Variants in FGF14 observed in about 807,000 individuals in gnomAD.
The protein encoded by FGF14 is fibroblast growth factor homologous factor 4.
FGF14 carries 5 observed loss-of-function variants against 25.5 expected under a neutral mutation model. The observed-to-expected ratio is 0.20, with a 90% CI of 0.10 to 0.41. The LOEUF is 0.41. FGF14 is among the 10% of genes least tolerant of loss of function. The pLI, the probability that FGF14 is intolerant of heterozygous loss-of-function variation, is 1.00. For missense variants in FGF14, 222 were observed against 320.1 expected (o/e 0.69, Z 2.34); for synonymous variants, 138 against 118.3 (o/e 1.17, Z -1.08).
chr13:102,008,872 T>C (rs568343520), intron 1 of FGF14, among the ~76,000 whole-genome samples: 18 of 152,320 alleles, frequency 1.2e-4, no homozygotes, highest in Admixed American at 5.2e-4. Flanking sequence ...GAAAGTGTCA[T>C]CTGTTAATTA....
intron 1 of FGF14, among the ~76,000 whole-genome samples, chr13:102,226,383 A>G (rs903736841): frequency 6.6e-6 from 1 of 152,202 alleles, no homozygotes; most frequent in Non-Finnish European, 1.5e-5. Flanking sequence ...ATAGCTAGCT[A>G]TGCTAATTTT....
intron 1 of FGF14, among the ~76,000 whole-genome samples, chr13:102,206,097 C>T (rs190687257): frequency 1.3e-4 from 18 of 136,582 alleles, no homozygotes; most frequent in Admixed American, 9.8e-4. Flanking sequence ...GGAAACAAAG[C>T]ATTTAACTAA....
intron 3 of FGF14, among the ~76,000 whole-genome samples, chr13:101,748,510 G>A (rs1418387303): frequency 1.3e-5 from 2 of 151,514 alleles, no homozygotes; most frequent in African/African-American, 2.4e-5. Context: ...GGGGACGACA[G>A]ATAAATTCTT....
At chr13:101,921,763 C>T (rs1434548115), upstream of FGF14, among the ~76,000 whole-genome samples, 1 of 152,188 alleles carries the variant, frequency 6.6e-6, no homozygotes, top group Non-Finnish European at 1.5e-5. Flanking sequence ...TTACCACTTG[C>T]TGTCCATCAA....
intron 1 of FGF14, among the ~76,000 whole-genome samples, chr13:102,304,986 G>T (rs539770309): frequency 1.3e-5 from 2 of 152,174 alleles, no homozygotes; most frequent in Non-Finnish European, 2.9e-5. Context: ...ACTGAGTTTT[G>T]GGGAAATTTA....
intron 1 of FGF14, among the ~76,000 whole-genome samples, chr13:102,206,622 A>G (rs2049938318): frequency 6.6e-6 from 1 of 152,170 alleles, no homozygotes; most frequent in African/African-American, 2.4e-5. Context: ...TGGAGGTTAC[A>G]GTGAGCCCAG....
intron 1 of FGF14, among the ~76,000 whole-genome samples, chr13:102,285,861 T>G (rs181851521): frequency 6.6e-6 from 1 of 152,188 alleles, no homozygotes; most frequent in East Asian, 1.9e-4. Context: ...ACACATGAAG[T>G]CAAGGCTGAT....
chr13:102,116,265 A>G (rs958143295), intron 1 of FGF14, among the ~76,000 whole-genome samples: 1 of 152,174 alleles, frequency 6.6e-6, no homozygotes, highest in Non-Finnish European at 1.5e-5. Context: ...TAGGAATGTG[A>G]AGTGATGTAG....
intron 1 of FGF14, among the ~76,000 whole-genome samples, chr13:102,235,301 T>C (rs1566846818): frequency 6.6e-6 from 1 of 152,382 alleles, no homozygotes; most frequent in Admixed American, 6.5e-5. Flanking sequence ...GTTTTACAAA[T>C]GAATCAATTA....
intron 1 of FGF14, among the ~76,000 whole-genome samples, chr13:102,324,896 G>A (rs1220754718): frequency 6.6e-6 from 1 of 151,838 alleles, no homozygotes; most frequent in African/African-American, 2.4e-5. Flanking sequence ...GTACCATATC[G>A]CCTGCTAACC....
intron 3 of FGF14, among the ~76,000 whole-genome samples, chr13:101,822,013 T>C (rs1441562288): frequency 6.6e-6 from 1 of 152,208 alleles, no homozygotes; most frequent in African/African-American, 2.4e-5. Flanking sequence ...TTTAAGAAAG[T>C]TCAGTTGATC....
At position 101,859,172 on chromosome 13, in the gene FGF14, C is replaced by T. The variant is rs79936065; in HGVS notation, c.408+9553G>A. Among the ~76,000 whole-genome samples the T allele has an allele frequency of 8.5e-4, 129 of 152,114 alleles. 1 individual carries two copies. The East Asian group carries it at 0.016, about 19-fold the overall frequency. ...TACATTTCATGAACATGAAGCCACT[C>T]GAGGAATAAATTAATAAAATGTACT... On this transcript the variant is annotated intron_variant, in intron 3 of 4. Transcript: ENST00000376143.
chr13:101,948,865 A>G (rs529089536), intron 1 of FGF14, among the ~76,000 whole-genome samples: 39 of 152,346 alleles, frequency 2.6e-4, no homozygotes, highest in African/African-American at 8.9e-4. Context: ...AAATACAAAC[A>G]TAATCTTCCT....
intron 3 of FGF14, among the ~76,000 whole-genome samples, chr13:101,739,461 T>A (rs906521885): frequency 1.3e-5 from 2 of 152,142 alleles, no homozygotes; most frequent in African/African-American, 4.8e-5. Context: ...TTCTATGAGA[T>A]CACATAGATA....
In FGF14 at chr13:101,962,193, A is replaced by G. The variant is rs549069475; in HGVS notation, c.209-86897T>C. Among the ~76,000 whole-genome samples, 25 of 152,320 alleles carry G rather than the reference A, an allele frequency of 1.6e-4. 1 individual carries two copies. The South Asian group carries it at 3.3e-3, about 20-fold the overall frequency. On this transcript the variant is annotated intron_variant, in intron 1 of 4. Transcript: ENST00000376131. ...AAGATATTGATTCTTACTAACCATG[A>G]GCATGAAATGTTTTTACATTTGTGT...
chr13:102,021,763 C>T (rs886482934), intron 1 of FGF14, among the ~76,000 whole-genome samples: 5 of 151,842 alleles, frequency 3.3e-5, no homozygotes, highest in African/African-American at 1.2e-4. Flanking sequence ...TTTCCATAGC[C>T]CATCATCCTT....
At chr13:102,000,000 T>C (rs1351105451) in intron 1 of FGF14, among the ~76,000 whole-genome samples, 1 of 152,194 alleles carries the variant, frequency 6.6e-6, no homozygotes, top group Non-Finnish European at 1.5e-5. Flanking sequence ...ACCTATATAC[T>C]GAAGCTCAGT....
chr13:102,245,940 GC>G (rs1021216228), intron 1 of FGF14, among the ~76,000 whole-genome samples: 1 of 152,036 alleles, frequency 6.6e-6, no homozygotes, highest in African/African-American at 2.4e-5. Context: ...AAAACCGGAT[GC>G]CTTCATTTTT....
intron 3 of FGF14, among the ~76,000 whole-genome samples, chr13:101,838,743 G>A (rs552598787): frequency 5.7e-4 from 87 of 151,998 alleles, no homozygotes; most frequent in African/African-American, 2.1e-3. Context: ...AAAAAACAAA[G>A]GTTCTTCAAG....
Sources: gnomAD v4.1 joint callset for allele counts (sites outside exome capture counted in the v4.1 genomes callset) on GRCh38, gnomAD v4.1.1 for gene constraint, MANE v1.5 for transcripts, NCBI Gene and HGNC (gene_info 2026-07-23, HGNC 2026-07-21) for gene names.